Variants in LPP observed in about 807,000 individuals in gnomAD.
LPP encodes the protein LIM domain containing preferred translocation partner in lipoma.
In LPP, 38 loss-of-function variants were observed where a neutral mutation model predicts 60.4. That is an observed-to-expected ratio of 0.63 (90% CI 0.49 to 0.83). LPP has a LOEUF of 0.83. LPP is among the 40% of genes least tolerant of loss of function. The pLI, the probability that LPP is intolerant of heterozygous loss-of-function variation, is 0.00. For missense variants in LPP, 902 were observed against 783.6 expected (o/e 1.15, Z -1.80); for synonymous variants, 328 against 290.8 (o/e 1.13, Z -1.30).
intron 2 of LPP, among the ~76,000 whole-genome samples, chr3:188,308,406 G>T (rs1752212190): frequency 6.6e-6 from 1 of 152,176 alleles, no homozygotes; most frequent in African/African-American, 2.4e-5. Context: ...GGATAACCTT[G>T]AAAGAGTGCT....
chr3:188,759,951 G>A (rs949185739), intron 8 of LPP, among the ~76,000 whole-genome samples, 162 bp from the exon 9 acceptor site: 1 of 152,142 alleles, frequency 6.6e-6, no homozygotes. Context: ...TGGCTGTACT[G>A]GTGATCTTGC....
intron 9 of LPP, among the ~76,000 whole-genome samples, chr3:188,811,470 T>A (rs1057235075): frequency 2.0e-5 from 3 of 152,036 alleles, no homozygotes; most frequent in African/African-American, 7.2e-5. Context: ...CATTTGATAT[T>A]AACCTTTAAG....
intron 3 of LPP, among the ~76,000 whole-genome samples, chr3:188,398,820 A>T (rs1001750027): frequency 1.3e-5 from 2 of 152,260 alleles, no homozygotes; most frequent in Non-Finnish European, 2.9e-5. Context: ...TGCATGATAC[A>T]TCTTGATTGA....
At chr3:188,563,960 GGAA>G (rs1831466454) in intron 6 of LPP, among the ~76,000 whole-genome samples, 1 of 151,794 alleles carries the variant, frequency 6.6e-6, no homozygotes, top group African/African-American at 2.4e-5. Context: ...CACTCACCAT[GGAA>G]GAAGAGTAGG....
intron 7 of LPP, among the ~76,000 whole-genome samples, chr3:188,660,644 C>CTGTGTGTGTGTGTG (rs1217077290): frequency 1.3e-5 from 2 of 149,968 alleles, no homozygotes; most frequent in Non-Finnish European, 3.0e-5. Context: ...TTCCAAAGAT[C>CTGTGTGTGTGTGTG]TGTGTGTGTG....
chr3:188,541,029 A>T (rs1338878956), intron 6 of LPP, among the ~76,000 whole-genome samples: 1 of 152,210 alleles, frequency 6.6e-6, no homozygotes, highest in Non-Finnish European at 1.5e-5. Context: ...TCTGTGGTTA[A>T]CAAGATAATT....
intron 2 of LPP, among the ~76,000 whole-genome samples, chr3:188,314,342 T>C (rs1342902737): frequency 2.0e-5 from 3 of 152,108 alleles, no homozygotes; most frequent in African/African-American, 7.2e-5. Context: ...TATCTAGCTT[T>C]TTTTTTTAAA....
At chr3:188,499,843 C>A (rs1438107243) in intron 5 of LPP, among the ~76,000 whole-genome samples, 1 of 151,940 alleles carries the variant, frequency 6.6e-6, no homozygotes, top group Non-Finnish European at 1.5e-5. Flanking sequence ...ACGTTAATTT[C>A]TAAGTATTTT....
intron 9 of LPP, among the ~76,000 whole-genome samples, chr3:188,862,712 C>CAAAAA (rs140751676): frequency 2.8e-3 from 154 of 54,924 alleles, no homozygotes; most frequent in East Asian, 5.8e-3. Context: ...CCCTACTAGA[C>CAAAAA]AAAAAAATAA....
chr3:188,234,753 T>A (rs13091230), intron 2 of LPP, among the ~76,000 whole-genome samples: 1 of 152,176 alleles, frequency 6.6e-6, no homozygotes, highest in African/African-American at 2.4e-5. Flanking sequence ...GTCTTTGAGG[T>A]TGAGTGAGGT....
chr3:188,550,577 C>CAAAAAAAAAAAAAAAA, intron 6 of LPP, among the ~76,000 whole-genome samples: 1 of 66,906 alleles, frequency 1.5e-5, no homozygotes, highest in African/African-American at 6.4e-5. Flanking sequence ...GACTCCATCT[C>CAAAAAAAAAAAAAAAA]AAAAAAAAAA....
At chr3:188,386,333 T>G (rs1778308078) in intron 3 of LPP, among the ~76,000 whole-genome samples, 1 of 151,220 alleles carries the variant, frequency 6.6e-6, no homozygotes, top group African/African-American at 2.4e-5. Context: ...TATTAGCCAT[T>G]TATTCTCTAC....
intron 4 of LPP, among the ~76,000 whole-genome samples, chr3:188,453,135 T>C (rs1219587000): frequency 6.6e-6 from 1 of 152,150 alleles, no homozygotes; most frequent in South Asian, 2.1e-4. Flanking sequence ...TCTCTTTGAC[T>C]CTTTCTTTCT....
chr3:188,396,839 T>C (rs1304354593), intron 3 of LPP, among the ~76,000 whole-genome samples: 4 of 152,186 alleles, frequency 2.6e-5, no homozygotes, highest in Non-Finnish European at 4.4e-5. Flanking sequence ...TTGCCAGCAC[T>C]GCACACTCCA....
chr3:188,739,157 A>G (rs979126566), intron 8 of LPP, among the ~76,000 whole-genome samples: 1 of 152,140 alleles, frequency 6.6e-6, no homozygotes, highest in Non-Finnish European at 1.5e-5. Context: ...GAAGTTATGT[A>G]TGCTTTGGGG....
chr3:188,603,608 A>C (rs1841865542), intron 6 of LPP, among the ~76,000 whole-genome samples: 1 of 152,140 alleles, frequency 6.6e-6, no homozygotes, highest in Non-Finnish European at 1.5e-5. Flanking sequence ...AAATGTTTGC[A>C]CCAGGTAATT....
intron 10 of LPP, among the ~76,000 whole-genome samples, chr3:188,871,409 A>G (rs545049384): frequency 1.3e-5 from 2 of 152,364 alleles, no homozygotes; most frequent in Non-Finnish European, 2.9e-5. Flanking sequence ...TTTCTTTCAC[A>G]GCAATCAATT....
chr3:188,860,335 T>C (rs1764885653), intron 9 of LPP, among the ~76,000 whole-genome samples: 1 of 152,174 alleles, frequency 6.6e-6, no homozygotes, highest in Admixed American at 6.5e-5. Context: ...GGCTGAGTCA[T>C]AGCCCTGCTC....
intron 6 of LPP, among the ~76,000 whole-genome samples, chr3:188,540,969 A>G (rs1371935252): frequency 6.6e-6 from 1 of 152,220 alleles, no homozygotes; most frequent in Non-Finnish European, 1.5e-5. Flanking sequence ...AGCTAGAGCC[A>G]TAATGGTCTT....
Sources: gnomAD v4.1 joint callset for allele counts (sites outside exome capture counted in the v4.1 genomes callset) on GRCh38, gnomAD v4.1.1 for gene constraint, MANE v1.5 for transcripts, NCBI Gene and HGNC (gene_info 2026-07-23, HGNC 2026-07-21) for gene names.